RCOR1: variants seen among roughly 807,000 people sequenced by gnomAD.
The protein encoded by RCOR1 is REST corepressor.
Under a neutral mutation model 64.0 loss-of-function variants are expected in RCOR1, and 12 were observed. The ratio of observed to expected loss-of-function variants is 0.19; its 90% CI spans 0.12 to 0.30. RCOR1 has a LOEUF of 0.30. Ranked by LOEUF, RCOR1 falls within the 10% of genes least tolerant of loss-of-function variation. The pLI, the probability that RCOR1 is intolerant of heterozygous loss-of-function variation, is 1.00. For missense variants in RCOR1, 502 were observed against 621.2 expected, an observed-to-expected ratio of 0.81 and a Z score of 2.04; for synonymous variants, 279 against 227.2, an observed-to-expected ratio of 1.23 and a Z score of -2.05.
chr14:102,716,337 GTGACTCTCAA>G (rs1896068489), intron 8 of RCOR1, among the ~76,000 whole-genome samples: 1 of 152,062 alleles, frequency 6.6e-6, no homozygotes, highest in South Asian at 2.1e-4. Context: ...TTTGCATTCT[GTGACTCTCAA>G]TGGTATCTTT....
chr14:102,641,145 C>T (rs1161797861), intron 2 of RCOR1, among the ~76,000 whole-genome samples: 2 of 151,910 alleles, frequency 1.3e-5, no homozygotes, highest in African/African-American at 4.8e-5. Context: ...GTCCCAGCTA[C>T]TTGGAAGGCT....
chr14:102,614,802 TA>T (rs1247144639), intron 2 of RCOR1, among the ~76,000 whole-genome samples: 1 of 151,602 alleles, frequency 6.6e-6, no homozygotes, highest in African/African-American at 2.4e-5. Flanking sequence ...GAAAAGCATA[TA>T]AAAAACAAAA....
chr14:102,716,568 A>G (rs1310085433), intron 8 of RCOR1, among the ~76,000 whole-genome samples: 1 of 148,010 alleles, frequency 6.8e-6, no homozygotes, highest in African/African-American at 2.7e-5. Flanking sequence ...TTTTGTTTTC[A>G]TATGAGTATC....
chr14:102,697,823 C>T (rs1461573108), intron 3 of RCOR1, among the ~76,000 whole-genome samples: 2 of 151,706 alleles, frequency 1.3e-5, no homozygotes, highest in Non-Finnish European at 1.5e-5. Flanking sequence ...AGGATTCAAG[C>T]GATTGTCCTG....
At position 102,706,822 on chromosome 14, in the gene RCOR1, AAATAAT is replaced by A. The variant is rs57117799; in HGVS notation, c.499-508_499-503del. ...GGGTGACAGATCCAGACCCTGTCTC[AAATAAT>A]AATAATAATAATAATAATAAATTTT... On this transcript the variant is annotated intron_variant, in intron 4 of 11. Coordinates refer to ENST00000262241, the MANE Select transcript of RCOR1 (RefSeq NM_015156.4). Among the ~76,000 whole-genome samples, 748 of 150,376 alleles carry A rather than the reference AAATAAT, an allele frequency of 5.0e-3. 6 individuals carry two copies. The highest frequency in any genetic ancestry group is 0.016 in the African/African-American group (668 of 41,052).
At chr14:102,714,154 A>G (rs1433761348) in intron 7 of RCOR1, among the ~76,000 whole-genome samples, 3 of 152,228 alleles carry the variant, frequency 2.0e-5, no homozygotes, top group Admixed American at 6.5e-5. Context: ...GAAGCTGAGA[A>G]TTCTTATTTT....
intron 2 of RCOR1, among the ~76,000 whole-genome samples, chr14:102,650,128 G>GGTAAACT (rs1894554982): frequency 6.6e-6 from 1 of 150,902 alleles, no homozygotes; most frequent in East Asian, 1.9e-4. Context: ...AACCTGGGAG[G>GGTAAACT]TGCAGCTTGC....
At chr14:102,601,794 A>G (rs1259562892) in intron 2 of RCOR1, among the ~76,000 whole-genome samples, 1 of 152,218 alleles carries the variant, frequency 6.6e-6, no homozygotes, top group Non-Finnish European at 1.5e-5. Context: ...TGGGGCTGTC[A>G]GTTAACTACA....
intron 2 of RCOR1, among the ~76,000 whole-genome samples, chr14:102,646,608 C>G (rs980366095): frequency 6.6e-6 from 1 of 152,170 alleles, no homozygotes; most frequent in Non-Finnish European, 1.5e-5. Context: ...AAGAGAAAGA[C>G]AATGCCTGAT....
chr14:102,602,202 GT>G, intron 2 of RCOR1, among the ~76,000 whole-genome samples: 1 of 151,672 alleles, frequency 6.6e-6, no homozygotes, highest in South Asian at 2.1e-4. Context: ...GTTATTGTTA[GT>G]GTTTTTGTAA....
At chr14:102,627,973 G>GTT (rs1894017817) in intron 2 of RCOR1, among the ~76,000 whole-genome samples, 1 of 151,690 alleles carries the variant, frequency 6.6e-6, no homozygotes, top group Non-Finnish European at 1.5e-5. Flanking sequence ...GTGTGTGTGT[G>GTT]TGTGTGTGTA....
intron 2 of RCOR1, among the ~76,000 whole-genome samples, chr14:102,632,528 G>T (rs1049435552): frequency 6.6e-6 from 1 of 152,054 alleles, no homozygotes; most frequent in Non-Finnish European, 1.5e-5. Flanking sequence ...CTAATAGAGA[G>T]CTTTCCTGAA....
intron 2 of RCOR1, among the ~76,000 whole-genome samples, chr14:102,598,938 T>C (rs994968427): frequency 1.1e-4 from 16 of 152,050 alleles, no homozygotes; most frequent in Non-Finnish European, 2.9e-5. Context: ...TGTTCTTACA[T>C]GTGTTGTCCA....
At chr14:102,695,842 C>G (rs545040421) in intron 3 of RCOR1, among the ~76,000 whole-genome samples, 9 of 152,046 alleles carry the variant, frequency 5.9e-5, no homozygotes, top group African/African-American at 2.2e-4. Flanking sequence ...AGCCACTGCG[C>G]CCAGTGCATA....
At chr14:102,642,888 C>T (rs1894398410) in intron 2 of RCOR1, among the ~76,000 whole-genome samples, 1 of 151,932 alleles carries the variant, frequency 6.6e-6, no homozygotes, top group African/African-American at 2.4e-5. Flanking sequence ...AGTATTCTGA[C>T]ACAGTATAGG....
chr14:102,677,112 G>A (rs1231459426), intron 2 of RCOR1, among the ~76,000 whole-genome samples: 3 of 130,364 alleles, frequency 2.3e-5, no homozygotes, highest in Admixed American at 7.2e-5. Flanking sequence ...CGGCCGGGCC[G>A]AGGAGCCCCT....
At chr14:102,676,032 T>G (rs1367268989) in intron 2 of RCOR1, among the ~76,000 whole-genome samples, 1 of 57,608 alleles carries the variant, frequency 1.7e-5, no homozygotes, top group Non-Finnish European at 3.1e-5. Flanking sequence ...TATTTCACAG[T>G]TTTTTTTTTT....
intron 2 of RCOR1, among the ~76,000 whole-genome samples, chr14:102,670,739 T>TA (rs1895015804): frequency 9.7e-6 from 1 of 102,906 alleles, no homozygotes; most frequent in East Asian, 2.3e-4. Context: ...ATGACAAGAT[T>TA]ATTATATATA....
intron 7 of RCOR1, 90 bp downstream of exon 7, chr14:102,711,103 T>C (rs1287099086): frequency 3.8e-6 from 3 of 795,768 alleles, no homozygotes; most frequent in African/African-American, 1.8e-5. Context: ...CTACTTAATA[T>C]ATTAAGTGCT....
Sources: allele counts gnomAD v4.1 joint callset (sites outside exome capture counted in the v4.1 genomes callset), GRCh38; gene constraint gnomAD v4.1.1; transcripts MANE v1.5; gene names NCBI Gene and HGNC (gene_info 2026-07-23, HGNC 2026-07-21).